The following IQSEC2 variants were observed in gnomAD, a reference collection of about 807,000 sequenced individuals.
The protein encoded by IQSEC2 is IQ motif and SEC7 domain-containing protein 2.
A neutral mutation model predicts 74.6 loss-of-function variants in IQSEC2; 6 were observed. That is an observed-to-expected ratio of 0.08 (90% confidence interval 0.04 to 0.16). IQSEC2 has a LOEUF of 0.16. IQSEC2 is among the 10% of genes least tolerant of loss of function. The pLI is 1.00. For missense variants in IQSEC2, 734 were observed against 1,306.2 expected (o/e 0.56, Z 6.75); for synonymous variants, 494 against 544.5 (o/e 0.91, Z 1.29).
At chrX:53,286,953 A>AG (rs1159396824) in intron 2 of IQSEC2, among the ~76,000 whole-genome samples, 9 of 105,457 alleles carry the variant, frequency 8.5e-5, no homozygotes, top group Admixed American at 4.1e-4. Flanking sequence ...AAAAAAAAAA[A>AG]AAAAGAAAAA....
At chrX:53,267,784 G>A (rs2074682104) in intron 2 of IQSEC2, among the ~76,000 whole-genome samples, 1 of 111,951 alleles carries the variant, frequency 8.9e-6, no homozygotes, top group Non-Finnish European at 1.9e-5. Flanking sequence ...TGTCACTCTT[G>A]GAGCCTCAGT....
chrX:53,251,121 C>T lies in IQSEC2; in HGVS notation c.1455G>A (p.Gly485=). The change falls in exon 5 of 15, where the codon GGG becomes GGA. Residue 485 remains glycine, a synonymous_variant. Coordinates refer to ENST00000642864, the MANE Select transcript of IQSEC2 (RefSeq NM_001111125.3). ...IDEALNCHPS[G]PMSEEPGSAQ... is the part of the protein sequence containing the mutation. ...CTGACCCTGGCTCCTCAGACATGGGCCCTGACGGGTGGCAGTTCAGGGCTT... is the reference window on the plus strand; with the variant it reads ...CTGACCCTGGCTCCTCAGACATGGGTCCTGACGGGTGGCAGTTCAGGGCTT... 8.3e-7 allele frequency: 1 copy of T among 1,211,893 alleles called. No homozygotes were observed. Among genetic ancestry groups the T allele is most frequent in the Non-Finnish European group, 1.1e-6 (1 of 895,527 alleles).
chrX:53,291,876 A>G lies in IQSEC2; in HGVS notation c.737+19T>C. 4.3e-6 allele frequency: 5 copies of G among 1,160,096 alleles called. No homozygotes were observed. The highest frequency in any genetic ancestry group is 5.8e-6 in the Non-Finnish European group (5 of 866,900). ...CCTGCCCCATCTCCCAACTAGTACTAAAGAAAGGAGGTACTGACCTGACTG... is the reference window on the plus strand; with the variant it reads ...CCTGCCCCATCTCCCAACTAGTACTGAAGAAAGGAGGTACTGACCTGACTG... On this transcript the variant is annotated intron_variant, in intron 2 of 14. Transcript: ENST00000642864.
intron 2 of IQSEC2, chrX:53,281,698 G>C (rs2074967297): frequency 2.0e-6 from 1 of 493,920 alleles, no homozygotes. Context: ...ACTCCTCCAG[G>C]AGGGCTGGGA....
At chrX:53,273,021 T>C (rs1186441695) in intron 2 of IQSEC2, among the ~76,000 whole-genome samples, 3 of 110,916 alleles carry the variant, frequency 2.7e-5, no homozygotes, top group African/African-American at 9.8e-5. Flanking sequence ...CCGCATTACA[T>C]AGATGAGGAA....
rs201333139 is a variant in IQSEC2, at chrX:53,266,686, T to TTCCAAGC, written c.738-10632_738-10626dup. On this transcript the variant is annotated intron_variant, in intron 2 of 14. Coordinates refer to ENST00000642864, the MANE Select transcript of IQSEC2 (RefSeq NM_001111125.3). ...GAGTGCGGGTACGGGAGGATCCAGGTTCCAAGCTCCAAGCTCCAAGCTCTG... is the reference window on the plus strand; with the variant it reads ...GAGTGCGGGTACGGGAGGATCCAGGTTCCAAGCTCCAAGCTCCAAGCTCCAAGCTCTG... The TTCCAAGC allele has an allele frequency of 8.9e-3, 7,864 of 878,685 alleles. 513 individuals carry two copies. In the African/African-American group the frequency reaches 0.16, roughly 17 times the overall value. 72.4% of individuals were successfully genotyped at this position (878,685 alleles called of 1,213,427 possible).
intron 2 of IQSEC2, among the ~76,000 whole-genome samples, chrX:53,263,311 C>T (rs1457075712): frequency 2.7e-5 from 3 of 111,411 alleles, no homozygotes; most frequent in Non-Finnish European, 3.8e-5. Context: ...ATGGACTGGA[C>T]GGACTAGGCT....
rs1057521782 is a variant in IQSEC2, at chrX:53,234,480, C to T, written c.4206G>A (p.Ala1402=). 5.2e-5 allele frequency: 56 copies of T among 1,080,379 alleles called. No individual in the cohort carries two copies. Among genetic ancestry groups the T allele is most frequent in the Non-Finnish European group, 6.5e-5 (54 of 831,955 alleles). The allele number at this position is 1,080,379 out of a possible 1,213,427, so 89.0% of individuals were successfully genotyped here. A position where few individuals can be genotyped will look rare whatever the true frequency, so the allele number is the denominator to read the frequency against. ...GTGGCCGGGATCCAGGGCCCCCAGC[C>T]GCGCCTGCTGCTGGCATCATCTGTG... ...HHPQMMPAAG[A]AGGPGSRPPG... Residue 1402 remains alanine (A), a synonymous_variant, in exon 15 of 15, where the codon GCG becomes GCA. Transcript: ENST00000642864.
chrX:53,317,377 A>G (rs782390729), intron 1 of IQSEC2, among the ~76,000 whole-genome samples: 4 of 111,443 alleles, frequency 3.6e-5, no homozygotes, highest in Non-Finnish European at 7.5e-5. Context: ...GTGCAGGAGG[A>G]TATGGGAATC....
At chrX:53,253,274 A>G (rs781942058) in intron 4 of IQSEC2, among the ~76,000 whole-genome samples, 1 of 112,501 alleles carries the variant, frequency 8.9e-6, no homozygotes, top group East Asian at 2.8e-4. Context: ...TTACCTGTAT[A>G]GTTGCACCGA....
At chrX:53,281,211 G>T (rs940664980) in intron 2 of IQSEC2, among the ~76,000 whole-genome samples, 2 of 112,578 alleles carry the variant, frequency 1.8e-5, no homozygotes, top group Non-Finnish European at 3.8e-5. Context: ...GCCCTGCAGT[G>T]CCTCGCACAC....
intron 1 of IQSEC2, among the ~76,000 whole-genome samples, chrX:53,300,541 T>C (rs782271994): frequency 9.0e-6 from 1 of 111,635 alleles, no homozygotes; most frequent in Non-Finnish European, 1.9e-5. Flanking sequence ...AGGCGCTCTG[T>C]CTCATTCCTG....
At chrX:53,317,805 G>A (rs967584746) in intron 1 of IQSEC2, among the ~76,000 whole-genome samples, 1 of 112,561 alleles carries the variant, frequency 8.9e-6, no homozygotes, top group Non-Finnish European at 1.9e-5. Flanking sequence ...ACCCAGAACA[G>A]ACCTAGCAGG....
Position 53,250,707 on chromosome X carries a change from A to G in IQSEC2, c.1869T>C (p.Ala623=). ...GSVHRQLVYE[A]DGCSPHGTLK... The stretch of plus-strand genomic sequence containing the variant: ...GGGTCCCATGGGGGCTGCAGCCATC[A>G]GCCTCATACACCAGCTGGCGGTGGA... The change falls in exon 5 of 15, where the codon GCT becomes GCC. Residue 623 remains alanine, a synonymous_variant. Transcript: ENST00000642864. 2 of 1,211,398 alleles carry G rather than the reference A, an allele frequency of 1.7e-6. No individual in the cohort carries two copies. The highest frequency in any genetic ancestry group is 1.1e-6 in the Non-Finnish European group (1 of 895,377).
intron 9 of IQSEC2, among the ~76,000 whole-genome samples, chrX:53,242,169 C>G (rs1195287840): frequency 1.8e-5 from 2 of 111,287 alleles, no homozygotes; most frequent in African/African-American, 6.5e-5. Context: ...CGCAGTGGCT[C>G]ACGCCTGTAA....
intron 4 of IQSEC2, among the ~76,000 whole-genome samples, chrX:53,252,803 G>A (rs781879313): frequency 2.9e-4 from 32 of 111,688 alleles, no homozygotes; most frequent in Non-Finnish European, 5.8e-4. Flanking sequence ...ACCAAATTTG[G>A]GGGTAATTTG....
chrX:53,310,412 C>CAA (rs1277522007), intron 1 of IQSEC2, among the ~76,000 whole-genome samples: 1 of 108,802 alleles, frequency 9.2e-6, no homozygotes, highest in Admixed American at 1.0e-4. Context: ...AACAAACAAA[C>CAA]AAAAAACTTG....
chrX:53,231,066 T>C (rs2074062386), downstream of IQSEC2: 1 of 112,669 alleles, frequency 8.9e-6, no homozygotes, highest in African/African-American at 3.2e-5. Context: ...CTTAGAACCA[T>C]TCATTCATTC....
At chrX:53,254,330 C>CAA (rs57468463) in intron 4 of IQSEC2, among the ~76,000 whole-genome samples, 200 bp downstream of exon 4, 2 of 69,161 alleles carry the variant, frequency 2.9e-5, no homozygotes, top group African/African-American at 6.0e-5. Context: ...AACTCCGTCT[C>CAA]AAAAAAAAAA....
Sources: gnomAD v4.1 joint callset for allele counts (sites outside exome capture counted in the v4.1 genomes callset) on GRCh38, gnomAD v4.1.1 for gene constraint, MANE v1.5 for transcripts, NCBI Gene and HGNC (gene_info 2026-07-23, HGNC 2026-07-21) for gene names.